The following GALNT1 variants were observed in gnomAD, a reference collection of about 807,000 sequenced individuals.
GALNT1 encodes the protein GalNAc transferase 1.
A neutral mutation model predicts 65.7 loss-of-function variants in GALNT1; 17 were observed. That is an observed-to-expected ratio of 0.26 (90% CI 0.18 to 0.39). GALNT1 has a LOEUF of 0.39. Among genes scored for constraint, GALNT1 ranks in the 10% least tolerant of loss-of-function variants. The probability of loss-of-function intolerance (pLI) is 1.00; values close to 1 mark genes in which losing one functional copy is unlikely to be tolerated. For synonymous variants in GALNT1, 210 were observed against 219.7 expected, an observed-to-expected ratio of 0.96 and a Z score of 0.39; for missense variants, 460 against 672.8, an observed-to-expected ratio of 0.68 and a Z score of 3.50.
intron 1 of GALNT1, among the ~76,000 whole-genome samples, chr18:35,616,539 G>A (rs1457603638): frequency 6.6e-6 from 1 of 152,060 alleles, no homozygotes; most frequent in Non-Finnish European, 1.5e-5. Flanking sequence ...GACCTGCATT[G>A]CATATGGCTA....
At chr18:35,678,798 AC>A (rs1229325230) in intron 4 of GALNT1, among the ~76,000 whole-genome samples, 1 of 152,228 alleles carries the variant, frequency 6.6e-6, no homozygotes, top group African/African-American at 2.4e-5. Context: ...TAAGTATCAT[AC>A]TTTCTCCTTC....
intron 10 of GALNT1, 96 bp from the exon 11 acceptor site, chr18:35,703,413 C>T: frequency 1.7e-6 from 2 of 1,146,358 alleles, no homozygotes; most frequent in South Asian, 1.5e-5. Context: ...AATCATGTAC[C>T]TTGAAATACT....
intron 3 of GALNT1, among the ~76,000 whole-genome samples, chr18:35,665,384 CAAG>C (rs2047535449): frequency 6.6e-6 from 1 of 152,064 alleles, no homozygotes; most frequent in East Asian, 1.9e-4. Context: ...AAATAACAAT[CAAG>C]AAATCCAATA....
chr18:35,655,024 A>G (rs1433447710), intron 2 of GALNT1, among the ~76,000 whole-genome samples: 9 of 152,184 alleles, frequency 5.9e-5, no homozygotes. Flanking sequence ...TTTGTGTTCA[A>G]TATTTAGTGT....
intron 2 of GALNT1, among the ~76,000 whole-genome samples, chr18:35,657,352 C>A (rs577912908): frequency 6.6e-6 from 1 of 152,278 alleles, no homozygotes; most frequent in East Asian, 1.9e-4. Context: ...CCTCAGCCTC[C>A]CAAAGGGCTG....
rs113117917 is a variant in GALNT1 at position 35,652,115 on chromosome 18, G to C, written c.-103-2445G>C. ...TCTTCACCAGATTTCTTCCTGGTAC[G>C]GTTATGATCTCAAAGAAACATCTCA... On this transcript the variant is annotated intron_variant, in intron 1 of 11. Transcript: ENST00000269195. 6.4e-3 allele frequency among the ~76,000 whole-genome samples: 968 copies of C among 151,946 alleles called. 19 individuals are homozygous for C. The highest frequency in any genetic ancestry group is 0.022 in the African/African-American group (918 of 41,434).
At chr18:35,630,053 C>G (rs1233381206) in intron 1 of GALNT1, among the ~76,000 whole-genome samples, 1 of 152,152 alleles carries the variant, frequency 6.6e-6, no homozygotes, top group Non-Finnish European at 1.5e-5. Flanking sequence ...ATTCATAAAG[C>G]AAGTCCTTAG....
chr18:35,677,673 C>T lies in GALNT1; in HGVS notation c.397C>T (p.Leu133=), dbSNP rs1402680327. 1 of 1,613,420 alleles carries T rather than the reference C, an allele frequency of 6.2e-7. No homozygotes were observed. Among genetic ancestry groups the T allele is most frequent in the East Asian group, 2.2e-5 (1 of 44,846 alleles). The change falls in exon 4 of 12, where the codon CTG becomes TTG. Residue 133 remains leucine, a synonymous_variant. Coordinates refer to ENST00000269195, the MANE Select transcript of GALNT1 (RefSeq NM_020474.4). Reference sequence around the variant, plus strand: ...CCACAATGAGGCTTGGAGCACACTTCTGCGAACTGTCCATAGTGTCATTAA... The same window carrying T: ...CCACAATGAGGCTTGGAGCACACTTTTGCGAACTGTCCATAGTGTCATTAA... ...VFHNEAWSTL[L]RTVHSVINRS... is the part of the protein sequence containing the mutation.
At chr18:35,639,248 C>A (rs905444761) in intron 1 of GALNT1, among the ~76,000 whole-genome samples, 2 of 152,028 alleles carry the variant, frequency 1.3e-5, no homozygotes, top group Non-Finnish European at 2.9e-5. Context: ...TAAGAAATTG[C>A]GACAGCCACT....
chr18:35,674,147 A>G (rs1007320585), intron 3 of GALNT1, among the ~76,000 whole-genome samples: 2 of 152,218 alleles, frequency 1.3e-5, no homozygotes, highest in South Asian at 2.1e-4. Flanking sequence ...CAGAAGTGGA[A>G]CTTGCTCTGG....
intron 1 of GALNT1, among the ~76,000 whole-genome samples, chr18:35,619,749 A>G (rs539496404): frequency 6.6e-6 from 1 of 151,964 alleles, no homozygotes; most frequent in South Asian, 2.1e-4. Context: ...TTCTTTATCC[A>G]CTCTGGTGGG....
chr18:35,591,859 C>T (rs977364597), intron 1 of GALNT1: 11 of 154,454 alleles, frequency 7.1e-5, no homozygotes, highest in Middle Eastern at 1.0e-3. Flanking sequence ...ATCAGATGGT[C>T]TCGTCAATGG....
intron 1 of GALNT1, among the ~76,000 whole-genome samples, chr18:35,607,847 A>C (rs2046670923): frequency 6.6e-6 from 1 of 152,202 alleles, no homozygotes; most frequent in Admixed American, 6.5e-5. Flanking sequence ...CTCCAAGGGT[A>C]ACTTGGAACT....
intron 1 of GALNT1, chr18:35,596,914 C>T (rs145216066): frequency 6.6e-6 from 1 of 152,362 alleles, no homozygotes; most frequent in Non-Finnish European, 1.5e-5. Context: ...TCTTCATTCA[C>T]TACTCAATTG....
intron 1 of GALNT1, among the ~76,000 whole-genome samples, chr18:35,619,095 G>T (rs1392344380): frequency 6.6e-6 from 1 of 152,184 alleles, no homozygotes; most frequent in Non-Finnish European, 1.5e-5. Flanking sequence ...GAAGGGTATG[G>T]TTGTTTTGCA....
rs566706914 is a variant in GALNT1, at chr18:35,657,849, G to A, written c.139+3048G>A. On this transcript the variant is annotated intron_variant, in intron 2 of 11. Coordinates refer to ENST00000269195, the MANE Select transcript of GALNT1 (RefSeq NM_020474.4). The stretch of plus-strand genomic sequence containing the variant: ...GCATGAAGGGAAGCATGTAGTATAC[G>A]GTAGTTACAAGAGAGAAATGGAGCC... Among the ~76,000 whole-genome samples, 80 of 152,214 alleles carry A rather than the reference G, an allele frequency of 5.3e-4. No individual in the cohort carries two copies. In the South Asian group the frequency reaches 0.016, roughly 31 times the overall value.
At chr18:35,660,356 G>A (rs2047461147) in intron 2 of GALNT1, among the ~76,000 whole-genome samples, 1 of 152,074 alleles carries the variant, frequency 6.6e-6, no homozygotes. Context: ...GAGTGAACCT[G>A]TAGTTTTCTT....
At position 35,604,655 on chromosome 18, in the gene GALNT1, T is replaced by A. The variant is rs575376010; in HGVS notation, c.-104+22793T>A. ...TCACTGTGATTTTGATTTGCATTTC[T>A]CTAATGATTAGAGATGTTGAACATT... is the stretch of plus-strand genomic sequence containing the variant. On this transcript the variant is annotated intron_variant, in intron 1 of 11. Coordinates refer to ENST00000269195, the MANE Select transcript of GALNT1 (RefSeq NM_020474.4). 2.6e-5 allele frequency among the ~76,000 whole-genome samples: 4 copies of A among 152,352 alleles called. No individual in the cohort carries two copies. The South Asian group carries it at 8.3e-4, about 32-fold the overall frequency.
intron 1 of GALNT1, among the ~76,000 whole-genome samples, chr18:35,651,716 A>G (rs2047313609): frequency 6.6e-6 from 1 of 152,234 alleles, no homozygotes; most frequent in Non-Finnish European, 1.5e-5. Context: ...TAAGTGGAGA[A>G]TAAGGAATAA....
Sources: gnomAD v4.1 joint callset for allele counts (sites outside exome capture counted in the v4.1 genomes callset) on GRCh38, gnomAD v4.1.1 for gene constraint, MANE v1.5 for transcripts, NCBI Gene and HGNC (gene_info 2026-07-23, HGNC 2026-07-21) for gene names.